The following ADAMTSL1 variants were observed in gnomAD, a reference collection of about 807,000 sequenced individuals.
ADAMTSL1 encodes ADAMTS-like protein 1.
In ADAMTSL1, 126 loss-of-function variants were observed where a neutral mutation model predicts 201.8. The observed-to-expected ratio is 0.62, with a 90% CI of 0.54 to 0.72. The LOEUF is 0.72. Among genes scored for constraint, ADAMTSL1 ranks in the 30% least tolerant of loss-of-function variants. ADAMTSL1 has a pLI of 0.00. For missense variants in ADAMTSL1, 2,679 were observed against 2,277.8 expected (o/e 1.18, Z -3.59); for synonymous variants, 1,121 against 903.4 (o/e 1.24, Z -4.32).
chr9:18,501,908 A>C (rs955683672), intron 1 of ADAMTSL1, among the ~76,000 whole-genome samples: 3 of 152,236 alleles, frequency 2.0e-5, no homozygotes, highest in Non-Finnish European at 4.4e-5. Flanking sequence ...ATGTGATGAG[A>C]TAAGATGCTT....
intron 1 of ADAMTSL1, among the ~76,000 whole-genome samples, chr9:18,143,048 A>G (rs560758557): frequency 1.3e-5 from 2 of 152,284 alleles, no homozygotes; most frequent in East Asian, 3.9e-4. Context: ...AGGTCTGTCG[A>G]TGGCAGTTTC....
intron 1 of ADAMTSL1, among the ~76,000 whole-genome samples, chr9:18,000,536 T>G (rs939541166): frequency 6.6e-6 from 1 of 152,060 alleles, no homozygotes; most frequent in Admixed American, 6.6e-5. Context: ...CTCTCTGCCA[T>G]AGGGTTCTTT....
At chr9:18,476,582 C>T (rs1042365048) in intron 1 of ADAMTSL1, among the ~76,000 whole-genome samples, 14 of 152,236 alleles carry the variant, frequency 9.2e-5, no homozygotes, top group African/African-American at 3.4e-4. Context: ...CTGTTGTGTA[C>T]TTGATTTAGA....
At chr9:18,712,244 C>A (rs1045938011) in intron 14 of ADAMTSL1, among the ~76,000 whole-genome samples, 1 of 152,162 alleles carries the variant, frequency 6.6e-6, no homozygotes, top group African/African-American at 2.4e-5. Flanking sequence ...CAAAGCTGGA[C>A]GGAGAATGAC....
intron 1 of ADAMTSL1, among the ~76,000 whole-genome samples, chr9:18,106,417 G>GCATT (rs1824764508): frequency 6.6e-6 from 1 of 152,166 alleles, no homozygotes; most frequent in South Asian, 2.1e-4. Context: ...TGCCCACACA[G>GCATT]CATTTCTCAA....
At chr9:18,399,284 T>C (rs1433950415) in intron 2 of ADAMTSL1, among the ~76,000 whole-genome samples, 17 of 36,574 alleles carry the variant, frequency 4.6e-4, no homozygotes, top group South Asian at 1.0e-3. Context: ...GCTTTACATA[T>C]ATATATATAT....
intron 1 of ADAMTSL1, among the ~76,000 whole-genome samples, chr9:18,082,343 C>T (rs971247969): frequency 6.6e-6 from 1 of 152,046 alleles, no homozygotes; most frequent in African/African-American, 2.4e-5. Flanking sequence ...TTTTTTCACT[C>T]TTGTCCCTCA....
At position 17,907,745 on chromosome 9, in the gene ADAMTSL1, A is replaced by AG. The variant is rs939491707; in HGVS notation, c.87+826dup. On this transcript the variant is annotated intron_variant, in intron 1 of 29. Coordinates refer to the ADAMTSL1 transcript ENST00000680146. Reference sequence around the variant, plus strand: ...TGCTTAGGGAAGAGGGCAGGGGTCCAGGGTCGAGTCAAACTCAGAATGCCT... The same window carrying AG: ...TGCTTAGGGAAGAGGGCAGGGGTCCAGGGGTCGAGTCAAACTCAGAATGCCT... 3.2e-4 allele frequency among the ~76,000 whole-genome samples: 49 copies of AG among 152,174 alleles called. 1 individual carries two copies. The highest frequency in any genetic ancestry group is 1.1e-3 in the African/African-American group (47 of 41,448).
intron 15 of ADAMTSL1, chr9:18,723,394 C>A: frequency 2.5e-6 from 1 of 395,852 alleles, no homozygotes; most frequent in South Asian, 2.7e-5. Flanking sequence ...GGAGTCAGTG[C>A]CTGGGACTTG....
chr9:18,388,975 TTGAACTCCTGACCTCA>T (rs1837930335), intron 2 of ADAMTSL1, among the ~76,000 whole-genome samples: 1 of 152,064 alleles, frequency 6.6e-6, no homozygotes, highest in African/African-American at 2.4e-5. Context: ...TAGACTTGTC[TTGAACTCCTGACCTCA>T]TGATCCACCC....
chr9:18,284,616 C>T (rs537587182), intron 2 of ADAMTSL1, among the ~76,000 whole-genome samples: 9 of 152,246 alleles, frequency 5.9e-5, no homozygotes, highest in African/African-American at 2.2e-4. Context: ...AAACTCACGG[C>T]CTCAAGTAAT....
rs150574572 is a variant in ADAMTSL1 at position 18,664,347 on chromosome 9, T to G, written c.1085+2274T>G. The stretch of plus-strand genomic sequence containing the variant: ...AGACTCCAGAAAATAGATCTGCTCT[T>G]CCATCAGACAGTGCAGAATCAAACC... On this transcript the variant is annotated intron_variant, in intron 9 of 28. Coordinates refer to ENST00000380548, the MANE Select transcript of ADAMTSL1 (RefSeq NM_001040272.6). 5.5e-3 allele frequency among the ~76,000 whole-genome samples: 838 copies of G among 152,176 alleles called. 6 individuals are homozygous for G. The highest frequency in any genetic ancestry group is 0.019 in the African/African-American group (805 of 41,558).
chr9:18,687,456 G>C lies in ADAMTSL1; in HGVS notation c.1574+2656G>C, dbSNP rs149341222. On this transcript the variant is annotated intron_variant, in intron 13 of 28. Coordinates refer to ENST00000380548, the MANE Select transcript of ADAMTSL1 (RefSeq NM_001040272.6). ...TAAATGGTAATGTTTAGAAGCTGTGGCTGTCACTTCTGAACTGCTACAGTG... is the reference window on the plus strand; with the variant it reads ...TAAATGGTAATGTTTAGAAGCTGTGCCTGTCACTTCTGAACTGCTACAGTG... Among the ~76,000 whole-genome samples the C allele has an allele frequency of 2.0e-3, 306 of 152,282 alleles. 1 individual carries two copies. Among genetic ancestry groups the C allele is most frequent in the African/African-American group, 7.0e-3 (290 of 41,556 alleles).
At chr9:18,872,981 C>G (rs1476593106) in intron 23 of ADAMTSL1, among the ~76,000 whole-genome samples, 2 of 152,160 alleles carry the variant, frequency 1.3e-5, no homozygotes, top group African/African-American at 4.8e-5. Context: ...ATGCCAACAT[C>G]TATTATTTTT....
intron 2 of ADAMTSL1, among the ~76,000 whole-genome samples, chr9:18,254,345 G>GTTTTTTTTTTTTTTTTTTTTTTT (rs59026505): frequency 4.1e-5 from 2 of 49,366 alleles, no homozygotes; most frequent in Non-Finnish European, 7.0e-5. Context: ...ACTCTTTTTG[G>GTTTTTTTTTTTTTTTTTTTTTTT]TTTTTTTTTT....
At chr9:18,614,247 G>A (rs1055789875) in intron 4 of ADAMTSL1, among the ~76,000 whole-genome samples, 2 of 152,116 alleles carry the variant, frequency 1.3e-5, no homozygotes, top group African/African-American at 2.4e-5. Context: ...AAGAGAGAAC[G>A]CCAGGTGTGG....
At chr9:18,531,195 C>T (rs1038256102) in intron 2 of ADAMTSL1, among the ~76,000 whole-genome samples, 1 of 152,152 alleles carries the variant, frequency 6.6e-6, no homozygotes, top group African/African-American at 2.4e-5. Context: ...ATCACATGGA[C>T]CAGAGTACTC....
intron 20 of ADAMTSL1, among the ~76,000 whole-genome samples, chr9:18,795,906 G>A (rs570898081): frequency 2.6e-5 from 4 of 152,166 alleles, no homozygotes; most frequent in South Asian, 4.1e-4. Flanking sequence ...TCATCTCCTT[G>A]TTCCACCTGT....
intron 2 of ADAMTSL1, among the ~76,000 whole-genome samples, chr9:18,238,701 T>A (rs535512697): frequency 6.6e-6 from 1 of 152,316 alleles, no homozygotes; most frequent in Admixed American, 6.5e-5. Context: ...CTTTAAGTTG[T>A]GAATTGACGA....
Sources: gnomAD v4.1 joint callset for allele counts (sites outside exome capture counted in the v4.1 genomes callset) on GRCh38, gnomAD v4.1.1 for gene constraint, MANE v1.5 for transcripts, NCBI Gene and HGNC (gene_info 2026-07-23, HGNC 2026-07-21) for gene names.